The following ADCY8 variants were observed in gnomAD, a reference collection of about 807,000 sequenced individuals.
ADCY8 encodes the protein adenylate cyclase 8.
Under a neutral mutation model 119.7 loss-of-function variants are expected in ADCY8, and 51 were observed. The ratio of observed to expected loss-of-function variants is 0.43; its 90% CI spans 0.34 to 0.54. The LOEUF (loss-of-function observed/expected upper bound fraction) is 0.54, where lower values mean the gene tolerates loss of function less well. ADCY8 is among the 20% of genes least tolerant of loss of function. The pLI is 0.03. For synonymous variants in ADCY8, 665 were observed against 651.0 expected, an observed-to-expected ratio of 1.02 and a Z score of -0.33; for missense variants, 1,383 against 1,598.8, an observed-to-expected ratio of 0.87 and a Z score of 2.30.
intron 8 of ADCY8, among the ~76,000 whole-genome samples, chr8:130,880,159 T>C (rs1180262035): frequency 1.3e-5 from 2 of 152,162 alleles, no homozygotes; most frequent in Non-Finnish European, 1.5e-5. Context: ...TAAACCTCTT[T>C]CTTTTGTAAA....
chr8:130,926,429 T>C (rs1820469778), intron 5 of ADCY8, among the ~76,000 whole-genome samples: 1 of 152,232 alleles, frequency 6.6e-6, no homozygotes, highest in South Asian at 2.1e-4. Context: ...ACTTGACTCT[T>C]GCCCACTTTG....
intron 17 of ADCY8, among the ~76,000 whole-genome samples, chr8:130,781,157 G>T (rs1042874228): frequency 3.3e-5 from 5 of 152,226 alleles, no homozygotes; most frequent in African/African-American, 1.2e-4. Flanking sequence ...GGCAACCAGT[G>T]AGTGTTCAAT....
chr8:130,832,951 C>T (rs758287452), intron 12 of ADCY8, among the ~76,000 whole-genome samples: 1 of 152,158 alleles, frequency 6.6e-6, no homozygotes, highest in Non-Finnish European at 1.5e-5. Context: ...AGCCAAAGAC[C>T]CAGCTTATTC....
chr8:130,849,549 C>G, intron 10 of ADCY8, 53 bp downstream of exon 10: 2 of 1,589,126 alleles, frequency 1.3e-6, no homozygotes, highest in Non-Finnish European at 1.7e-6. Context: ...CCATAAACTT[C>G]ATGCTCAACT....
At chr8:130,948,720 C>T (rs971133329) in intron 3 of ADCY8, among the ~76,000 whole-genome samples, 1 of 150,548 alleles carries the variant, frequency 6.6e-6, no homozygotes, top group African/African-American at 2.5e-5. Flanking sequence ...GGGTGACGGG[C>T]TTGGAAATGA....
rs867663894 is a variant in ADCY8 at position 130,864,738 on chromosome 8, C to G, written c.2210+3108G>C. Among the ~76,000 whole-genome samples, 19 of 152,216 alleles carry G rather than the reference C, an allele frequency of 1.2e-4. No homozygotes were observed. The Middle Eastern group carries it at 0.017, about 136-fold the overall frequency. The stretch of plus-strand genomic sequence containing the variant: ...TTTGATTTTCTTAGAGTTTCCATCT[C>G]TCTGTTTATATTGCCCATTTTTTCT... On this transcript the variant is annotated intron_variant, in intron 9 of 17. Transcript: ENST00000286355.
chr8:130,842,855 G>C (rs532360524), intron 11 of ADCY8, among the ~76,000 whole-genome samples: 1 of 139,082 alleles, frequency 7.2e-6, no homozygotes, highest in South Asian at 2.3e-4. Context: ...CTGAGCAACA[G>C]AGTGACACTC....
chr8:130,959,189 T>C (rs759511202), intron 2 of ADCY8, among the ~76,000 whole-genome samples: 1 of 152,208 alleles, frequency 6.6e-6, no homozygotes, highest in East Asian at 1.9e-4. Context: ...TTGACATGCA[T>C]TAACATGCTC....
intron 14 of ADCY8, among the ~76,000 whole-genome samples, chr8:130,800,778 A>G (rs971562374): frequency 6.6e-6 from 1 of 152,194 alleles, no homozygotes; most frequent in African/African-American, 2.4e-5. Context: ...TGGCTTATAA[A>G]CAACAGAAAT....
intron 1 of ADCY8, among the ~76,000 whole-genome samples, chr8:131,027,337 C>G (rs751000545): frequency 2.0e-5 from 3 of 152,122 alleles, no homozygotes; most frequent in Non-Finnish European, 4.4e-5. Context: ...AACAATTGTC[C>G]TAGAAAACAC....
At chr8:130,948,004 C>T (rs1023084844) in intron 3 of ADCY8, among the ~76,000 whole-genome samples, 10 of 152,060 alleles carry the variant, frequency 6.6e-5, no homozygotes, top group Admixed American at 3.9e-4. Flanking sequence ...AAATGACATA[C>T]GTCATTTTCT....
chr8:130,941,653 C>T (rs962293251), intron 4 of ADCY8, among the ~76,000 whole-genome samples: 2 of 152,130 alleles, frequency 1.3e-5, no homozygotes, highest in South Asian at 2.1e-4. Flanking sequence ...TCCACTTCCT[C>T]CTCCGCCCCC....
chr8:130,846,060 G>C (rs1409584053), intron 11 of ADCY8, among the ~76,000 whole-genome samples: 1 of 152,124 alleles, frequency 6.6e-6, no homozygotes, highest in Non-Finnish European at 1.5e-5. Flanking sequence ...TGGACGGACG[G>C]AGAGGAGGCT....
chr8:130,831,551 T>C (rs1816834632), intron 12 of ADCY8, among the ~76,000 whole-genome samples: 1 of 152,170 alleles, frequency 6.6e-6, no homozygotes. Flanking sequence ...CAGGGGGATA[T>C]ATGTGCAGAA....
chr8:131,011,865 T>C (rs1435509608), intron 1 of ADCY8, among the ~76,000 whole-genome samples: 1 of 152,106 alleles, frequency 6.6e-6, no homozygotes, highest in African/African-American at 2.4e-5. Flanking sequence ...TGAAGAGCCA[T>C]CTTGCAGTCA....
At chr8:130,866,090 G>A (rs1164554439) in intron 9 of ADCY8, among the ~76,000 whole-genome samples, 3 of 152,058 alleles carry the variant, frequency 2.0e-5, no homozygotes, top group Admixed American at 6.6e-5. Context: ...GCTATTGGGG[G>A]ATTGTTGCTA....
At chr8:131,021,100 T>G (rs1823651461) in intron 1 of ADCY8, among the ~76,000 whole-genome samples, 1 of 152,212 alleles carries the variant, frequency 6.6e-6, no homozygotes, top group Non-Finnish European at 1.5e-5. Context: ...GTTAATTTAT[T>G]GGATGATACA....
chr8:130,919,905 A>G (rs1280522406), intron 5 of ADCY8, among the ~76,000 whole-genome samples: 1 of 152,132 alleles, frequency 6.6e-6, no homozygotes, highest in African/African-American at 2.4e-5. Flanking sequence ...TCAAACCTGG[A>G]TTAGTCCTTA....
At chr8:130,991,174 G>T (rs73348588) in intron 1 of ADCY8, among the ~76,000 whole-genome samples, 4,363 of 152,164 alleles carry the variant, frequency 0.029, 94 homozygotes, top group African/African-American at 0.046. Context: ...TCTAACTACT[G>T]TTCAGTCAAG....
Sources: gnomAD v4.1 joint callset for allele counts (sites outside exome capture counted in the v4.1 genomes callset) on GRCh38, gnomAD v4.1.1 for gene constraint, MANE v1.5 for transcripts, NCBI Gene and HGNC (gene_info 2026-07-23, HGNC 2026-07-21) for gene names.